Variants in IL1RAPL1 observed in about 807,000 individuals in gnomAD.
IL1RAPL1 encodes interleukin-1 receptor accessory protein-like 1.
A neutral mutation model predicts 48.4 loss-of-function variants in IL1RAPL1; 3 were observed. That is an observed-to-expected ratio of 0.06 (90% confidence interval 0.03 to 0.16). The LOEUF (loss-of-function observed/expected upper bound fraction) is 0.16. Ranked by LOEUF, IL1RAPL1 falls within the 10% of genes least tolerant of loss-of-function variation. The pLI is 1.00. For missense variants in IL1RAPL1, 349 were observed against 530.6 expected (o/e 0.66, Z 3.36); for synonymous variants, 185 against 187.7 (o/e 0.99, Z 0.12).
At chrX:29,789,699 C>A (rs2147161635) in intron 6 of IL1RAPL1, among the ~76,000 whole-genome samples, 1 of 107,337 alleles carries the variant, frequency 9.3e-6, no homozygotes, top group South Asian at 4.0e-4. Flanking sequence ...ATAAGTGATT[C>A]TTGTAATTTG....
At chrX:29,174,610 G>A (rs1010148953) in intron 2 of IL1RAPL1, among the ~76,000 whole-genome samples, 4 of 111,410 alleles carry the variant, frequency 3.6e-5, no homozygotes, top group African/African-American at 1.3e-4. Flanking sequence ...TTCAGAAGTA[G>A]ATTTATAGTA....
At chrX:28,999,453 AG>A (rs1925797916) in intron 2 of IL1RAPL1, among the ~76,000 whole-genome samples, 1 of 111,684 alleles carries the variant, frequency 9.0e-6, no homozygotes, top group South Asian at 3.7e-4. Flanking sequence ...TTTAGGCTCC[AG>A]GCACTGTATG....
At chrX:29,786,777 GT>G (rs909548456) in intron 6 of IL1RAPL1, among the ~76,000 whole-genome samples, 2 of 111,420 alleles carry the variant, frequency 1.8e-5, no homozygotes, top group African/African-American at 6.5e-5. Flanking sequence ...GAAGTGGACA[GT>G]TTCAAAATAC....
intron 2 of IL1RAPL1, among the ~76,000 whole-genome samples, chrX:29,026,706 G>C (rs1227287177): frequency 8.9e-6 from 1 of 111,798 alleles, no homozygotes; most frequent in Non-Finnish European, 1.9e-5. Flanking sequence ...TTTTAGGTGA[G>C]ATAATGGCAC....
intron 2 of IL1RAPL1, among the ~76,000 whole-genome samples, chrX:28,821,918 C>T (rs73630101): frequency 0.028 from 3,148 of 111,107 alleles, 104 homozygotes; most frequent in African/African-American, 0.097. Flanking sequence ...GACACAGGGT[C>T]GGCTTTAAGC....
intron 2 of IL1RAPL1, among the ~76,000 whole-genome samples, chrX:29,263,670 T>C (rs1305762506): frequency 9.0e-6 from 1 of 111,637 alleles, no homozygotes. Context: ...AGTCTTCTTA[T>C]CACACCCAAT....
intron 2 of IL1RAPL1, among the ~76,000 whole-genome samples, chrX:29,265,659 C>T (rs1375158938): frequency 2.5e-5 from 2 of 80,434 alleles, no homozygotes; most frequent in Non-Finnish European, 4.5e-5. Context: ...GTGTGATGTT[C>T]CCCTTCCTGT....
chrX:29,848,309 T>C, intron 6 of IL1RAPL1, among the ~76,000 whole-genome samples: 1 of 111,602 alleles, frequency 9.0e-6, no homozygotes, highest in Non-Finnish European at 1.9e-5. Context: ...CATAGACTTT[T>C]ATTGAAACAA....
chrX:29,477,115 T>C (rs1471511026), intron 5 of IL1RAPL1, among the ~76,000 whole-genome samples: 1 of 110,249 alleles, frequency 9.1e-6, no homozygotes, highest in Non-Finnish European at 1.9e-5. Flanking sequence ...CCCATATTCT[T>C]AACTAATACA....
chrX:29,557,196 C>T lies in IL1RAPL1; in HGVS notation c.704-111234C>T, dbSNP rs934145019. Among the ~76,000 whole-genome samples the T allele has an allele frequency of 3.6e-5, 4 of 111,623 alleles. No homozygotes were observed. The Admixed American group carries it at 3.8e-4, about 11-fold the overall frequency. On this transcript the variant is annotated intron_variant, in intron 5 of 10. Coordinates refer to ENST00000378993, the MANE Select transcript of IL1RAPL1 (RefSeq NM_014271.4). ...TTTAAAGATATTTGGAAAGACAATTCCTTTTATAAGAAAACCAAACAAATT... is the reference window on the plus strand; with the variant it reads ...TTTAAAGATATTTGGAAAGACAATTTCTTTTATAAGAAAACCAAACAAATT...
At chrX:29,569,947 G>C (rs902434566) in intron 5 of IL1RAPL1, among the ~76,000 whole-genome samples, 1 of 111,846 alleles carries the variant, frequency 8.9e-6, no homozygotes, top group Non-Finnish European at 1.9e-5. Flanking sequence ...ATCATCATGT[G>C]TTACTATGAA....
intron 6 of IL1RAPL1, among the ~76,000 whole-genome samples, chrX:29,761,156 T>C (rs149424050): frequency 2.7e-3 from 301 of 111,992 alleles, no homozygotes; most frequent in African/African-American, 8.0e-3. Flanking sequence ...TATGGTAAAA[T>C]ATACATAACA....
intron 1 of IL1RAPL1, among the ~76,000 whole-genome samples, chrX:28,701,819 G>A (rs765359219): frequency 3.6e-5 from 4 of 111,015 alleles, no homozygotes; most frequent in Admixed American, 9.6e-5. Flanking sequence ...AGCAGAAAAC[G>A]TAGGAGGGTA....
At chrX:29,433,303 T>C (rs990226581) in intron 5 of IL1RAPL1, among the ~76,000 whole-genome samples, 2 of 111,224 alleles carry the variant, frequency 1.8e-5, no homozygotes, top group African/African-American at 6.5e-5. Flanking sequence ...TTTATGTGCT[T>C]TTAAAATTTG....
chrX:29,486,639 C>A (rs1214625235), intron 5 of IL1RAPL1, among the ~76,000 whole-genome samples: 8 of 83,786 alleles, frequency 9.5e-5, no homozygotes, highest in African/African-American at 3.9e-4. Flanking sequence ...AAAAAAAAAG[C>A]TCGTGGTCTA....
intron 6 of IL1RAPL1, among the ~76,000 whole-genome samples, chrX:29,883,719 C>T (rs1437990965): frequency 9.0e-6 from 1 of 111,574 alleles, no homozygotes; most frequent in African/African-American, 3.3e-5. Context: ...TTTATGAATT[C>T]AAAATTAATT....
intron 2 of IL1RAPL1, among the ~76,000 whole-genome samples, chrX:29,176,139 G>C (rs1456417432): frequency 9.9e-6 from 1 of 100,723 alleles, no homozygotes; most frequent in East Asian, 3.1e-4. Flanking sequence ...TGCCGCCCAG[G>C]CTGAAGTGCA....
chrX:29,741,929 AAAAAAG>A (rs1928213708), intron 6 of IL1RAPL1, among the ~76,000 whole-genome samples: 1 of 102,500 alleles, frequency 9.8e-6, no homozygotes, highest in African/African-American at 3.8e-5. Flanking sequence ...CGTCAAAAAA[AAAAAAG>A]AAAAAAAAAA....
At chrX:28,945,668 T>C (rs1437570879) in intron 2 of IL1RAPL1, among the ~76,000 whole-genome samples, 2 of 110,290 alleles carry the variant, frequency 1.8e-5, no homozygotes, top group Non-Finnish European at 3.8e-5. Flanking sequence ...TAAAACCTAG[T>C]TGATGGCTTG....
Sources: allele counts gnomAD v4.1 joint callset (sites outside exome capture counted in the v4.1 genomes callset), GRCh38; gene constraint gnomAD v4.1.1; transcripts MANE v1.5; gene names NCBI Gene and HGNC (gene_info 2026-07-23, HGNC 2026-07-21).